The following CRTAM variants were observed in gnomAD, a reference collection of about 807,000 sequenced individuals.
CRTAM encodes cytotoxic and regulatory T-cell molecule.
CRTAM carries 44 observed loss-of-function variants against 50.0 expected under a neutral mutation model. The observed-to-expected ratio is 0.88, with a 90% CI of 0.69 to 1.13. CRTAM has a LOEUF of 1.13. Ranked by LOEUF, CRTAM falls within the 50% of genes most tolerant of loss-of-function variation. The pLI is 0.00. For missense variants in CRTAM, 448 were observed against 457.5 expected (o/e 0.98, Z 0.19); for synonymous variants, 159 against 169.3 (o/e 0.94, Z 0.47).
chr11:122,840,285 A>G (rs1244572348), intron 1 of CRTAM, among the ~76,000 whole-genome samples: 3 of 152,200 alleles, frequency 2.0e-5, no homozygotes, highest in Admixed American at 2.0e-4. Context: ...TGAGGTAGGT[A>G]CTAATATCCC....
chr11:122,867,433 T>G lies in CRTAM; in HGVS notation c.842T>G (p.Leu281Arg), dbSNP rs770791672. ...GAAGCAAATCCTCAGTATTTAGGAC[T>G]GGCAAGAAAGAAAAGTGGCATCCTG... is the stretch of plus-strand genomic sequence containing the variant. ...TTEANPQYLGLARKKSGILLL... is the reference protein window; with the variant it reads ...TTEANPQYLGRARKKSGILLL... The change falls in exon 8 of 10, where the codon CTG (leucine) becomes CGG (arginine). Residue 281 changes from leucine (L) to arginine (R), a missense_variant. Leu to Arg is a moderately radical substitution (Grantham distance 102, BLOSUM62 -2). Transcript: ENST00000227348. 3 of 1,613,996 alleles carry G rather than the reference T, an allele frequency of 1.9e-6. No individual in the cohort carries two copies. Among genetic ancestry groups the G allele is most frequent in the South Asian group, 1.1e-5 (1 of 91,072 alleles).
rs1862253613 is a variant in CRTAM, at chr11:122,871,518, G to A, written c.*119G>A. ...ATAATGACCTCTTAGTGCAATGCAA[G>A]ATGGTGTCCTCGGATAATGATCTGC... On this transcript the variant is annotated 3_prime_UTR_variant, in exon 10 of 10. Coordinates refer to ENST00000227348, the MANE Select transcript of CRTAM (RefSeq NM_019604.4). The A allele has an allele frequency of 1.3e-6, 1 of 772,508 alleles. No individual in the cohort carries two copies. Among genetic ancestry groups the A allele is most frequent in the African/African-American group, 1.8e-5 (1 of 56,254 alleles). 47.9% of individuals were successfully genotyped at this position (772,508 alleles called of 1,614,324 possible). A position where few individuals can be genotyped will look rare whatever the true frequency, so the allele number is the denominator to read the frequency against.
chr11:122,854,124 C>T (rs754411604), intron 4 of CRTAM, 38 bp downstream of exon 4: 4 of 1,592,868 alleles, frequency 2.5e-6, no homozygotes, highest in Non-Finnish European at 2.6e-6. Context: ...TTCCTTCCTA[C>T]TCAAATTTCC....
chr11:122,870,210 A>T (rs1862236043), intron 9 of CRTAM, among the ~76,000 whole-genome samples: 1 of 151,932 alleles, frequency 6.6e-6, no homozygotes, highest in African/African-American at 2.4e-5. Flanking sequence ...CCTTCCTAGT[A>T]GCTGGGACTA....
At chr11:122,857,978 G>C (rs1029835019) in intron 5 of CRTAM, among the ~76,000 whole-genome samples, 1 of 152,024 alleles carries the variant, frequency 6.6e-6, no homozygotes, top group Non-Finnish European at 1.5e-5. Flanking sequence ...TGGTGTGATC[G>C]CGGCTCACTG....
intron 1 of CRTAM, among the ~76,000 whole-genome samples, chr11:122,842,730 T>G (rs1002839190): frequency 6.6e-6 from 1 of 152,224 alleles, no homozygotes; most frequent in African/African-American, 2.4e-5. Context: ...AAAAGAGGAC[T>G]AAATTGATTA....
In CRTAM at chr11:122,853,963, C is replaced by T. The variant is rs755739520; in HGVS notation, c.367C>T (p.Leu123=). ...TCTAGCAACTCCTTTCAAGCCAATC[C>T]TGGAAGCTTCAGTTATCAGAAAGCA... ...IVLATPFKPI[L]EASVIRKQNG... is the part of the protein sequence containing the mutation. Residue 123 remains leucine, a synonymous_variant, in exon 4 of 10, where the codon CTG becomes TTG. Coordinates refer to ENST00000227348, the MANE Select transcript of CRTAM (RefSeq NM_019604.4). The T allele has an allele frequency of 3.1e-6, 5 of 1,613,838 alleles. No individual in the cohort carries two copies. The highest frequency in any genetic ancestry group is 4.2e-6 in the Non-Finnish European group (5 of 1,179,976).
At chr11:122,867,248 T>G (rs1463878570) in intron 7 of CRTAM, among the ~76,000 whole-genome samples, 161 bp from the exon 8 acceptor site, 1 of 151,958 alleles carries the variant, frequency 6.6e-6, no homozygotes, top group Non-Finnish European at 1.5e-5. Context: ...GAATGAACAA[T>G]GTAAGTCTCT....
At chr11:122,859,422 T>C (rs1475044732) in intron 5 of CRTAM, among the ~76,000 whole-genome samples, 3 of 31,590 alleles carry the variant, frequency 9.5e-5, no homozygotes, top group African/African-American at 4.3e-4. Flanking sequence ...AGAAATGACA[T>C]ATTTTAATGA....
chr11:122,862,012 G>T (rs1306046137), intron 5 of CRTAM, among the ~76,000 whole-genome samples: 1 of 147,806 alleles, frequency 6.8e-6, no homozygotes, highest in African/African-American at 2.4e-5. Flanking sequence ...CCATTTTACA[G>T]ATAAGAGAAA....
chr11:122,871,404 C>T lies in CRTAM; in HGVS notation c.*5C>T. The T allele has an allele frequency of 6.2e-7, 1 of 1,609,162 alleles. No homozygotes were observed. Among genetic ancestry groups the T allele is most frequent in the Non-Finnish European group, 8.5e-7 (1 of 1,177,878 alleles). On this transcript the variant is annotated 3_prime_UTR_variant, in exon 10 of 10. Transcript: ENST00000227348. ...GTACCAGAGAGTATTGTGTAGTGCT[C>T]TCTGCAATGGAACATGTGATTTCAG... is the stretch of plus-strand genomic sequence containing the variant.
At chr11:122,859,598 A>C (rs1440311347) in intron 5 of CRTAM, among the ~76,000 whole-genome samples, 1 of 152,200 alleles carries the variant, frequency 6.6e-6, no homozygotes, top group Non-Finnish European at 1.5e-5. Flanking sequence ...TAAATATATA[A>C]AAATTCAATC....
Position 122,850,039 on chromosome 11 carries a change from T to C in CRTAM, c.47-29T>C, listed in dbSNP as rs1319187372. 1.3e-5 allele frequency: 20 copies of C among 1,564,764 alleles called. No individual in the cohort carries two copies. In the South Asian group the frequency reaches 2.3e-4, roughly 18 times the overall value. On this transcript the variant is annotated intron_variant, in intron 1 of 9. Transcript: ENST00000227348. ...CCTGAGACACTGTGGACCCCCGGCC[T>C]GATCATCCCCATTTCTCTTCCTCCA... is the stretch of plus-strand genomic sequence containing the variant.
intron 9 of CRTAM, 54 bp downstream of exon 9, chr11:122,868,153 G>C: frequency 9.0e-7 from 1 of 1,116,314 alleles, no homozygotes; most frequent in Non-Finnish European, 1.4e-6. Context: ...TAATGTATTA[G>C]TCAGATTTCT....
rs985851898 is a variant in CRTAM at position 122,850,437 on chromosome 11, A to T, written c.193+223A>T. Among the ~76,000 whole-genome samples the T allele has an allele frequency of 2.6e-5, 4 of 152,192 alleles. No homozygotes were observed. In the East Asian group the frequency reaches 7.7e-4, roughly 29 times the overall value. On this transcript the variant is annotated intron_variant, in intron 2 of 9. Coordinates refer to ENST00000227348, the MANE Select transcript of CRTAM (RefSeq NM_019604.4). The stretch of plus-strand genomic sequence containing the variant: ...TGGAAACCCCACCAGAATGGTTGTT[A>T]AAGGGGGTTCAGATTACAAAGCACA...
chr11:122,863,373 G>GAA (rs1862124848), intron 6 of CRTAM, among the ~76,000 whole-genome samples: 2 of 150,816 alleles, frequency 1.3e-5, no homozygotes, highest in African/African-American at 4.9e-5. Context: ...GAAAGAAAAA[G>GAA]AAAGAAAGAA....
chr11:122,841,842 A>G (rs1861802342), intron 1 of CRTAM, among the ~76,000 whole-genome samples: 1 of 152,234 alleles, frequency 6.6e-6, no homozygotes, highest in South Asian at 2.1e-4. Context: ...ATTATAAAGT[A>G]ATGTGCTAAG....
At chr11:122,868,791 G>A (rs1458391222) in intron 9 of CRTAM, among the ~76,000 whole-genome samples, 1 of 152,112 alleles carries the variant, frequency 6.6e-6, no homozygotes, top group Non-Finnish European at 1.5e-5. Flanking sequence ...GGCGGATCAC[G>A]AGGTCAGGAG....
At chr11:122,841,669 G>A (rs1424923718) in intron 1 of CRTAM, among the ~76,000 whole-genome samples, 1 of 151,646 alleles carries the variant, frequency 6.6e-6, no homozygotes, top group African/African-American at 2.4e-5. Context: ...CAAAGTGCTG[G>A]GATTACAGGT....
Sources: allele counts gnomAD v4.1 joint callset (sites outside exome capture counted in the v4.1 genomes callset), GRCh38; gene constraint gnomAD v4.1.1; transcripts MANE v1.5; gene names NCBI Gene and HGNC (gene_info 2026-07-23, HGNC 2026-07-21).